Variants in DNAAF4 observed in about 807,000 individuals in gnomAD.
The protein encoded by DNAAF4 is dynein assembly factor 4, axonemal.
Under a neutral mutation model 51.8 loss-of-function variants are expected in DNAAF4, and 43 were observed. The ratio of observed to expected loss-of-function variants is 0.83; its 90% CI spans 0.65 to 1.07. The LOEUF (loss-of-function observed/expected upper bound fraction) is 1.07, where lower values mean the gene tolerates loss of function less well. Ranked by LOEUF, DNAAF4 falls within the 50% of genes least tolerant of loss-of-function variation. The pLI is 0.00. For missense variants in DNAAF4, 581 were observed against 493.0 expected (o/e 1.18, Z -1.69); for synonymous variants, 194 against 165.6 (o/e 1.17, Z -1.32).
At chr15:55,444,753 G>A (rs1241300237) in intron 6 of DNAAF4, among the ~76,000 whole-genome samples, 1 of 152,116 alleles carries the variant, frequency 6.6e-6, no homozygotes, top group African/African-American at 2.4e-5. Flanking sequence ...CCTTGAAGAG[G>A]TCCTTCACAT....
intron 5 of DNAAF4, among the ~76,000 whole-genome samples, chr15:55,455,863 TA>T (rs2058012834): frequency 6.6e-6 from 1 of 152,124 alleles, no homozygotes; most frequent in East Asian, 1.9e-4. Flanking sequence ...TATTCATAGT[TA>T]TTTTTTTTTT....
At chr15:55,443,534 A>G (rs1021852035) in intron 6 of DNAAF4, among the ~76,000 whole-genome samples, 1 of 152,260 alleles carries the variant, frequency 6.6e-6, no homozygotes, top group Non-Finnish European at 1.5e-5. Context: ...TTATAGCAGC[A>G]TGATTGATAA....
chr15:55,430,635 A>G lies in DNAAF4; in HGVS notation c.*35T>C, dbSNP rs1310625054. Reference sequence around the variant, plus strand: ...AAGATGCCTCCAGTTGTTTTTAAAAAACTTATAACAATACTTAGTTACTTC... The same window carrying G: ...AAGATGCCTCCAGTTGTTTTTAAAAGACTTATAACAATACTTAGTTACTTC... On this transcript the variant is annotated 3_prime_UTR_variant, in exon 10 of 10. Transcript: ENST00000321149. 6.3e-7 allele frequency: 1 copy of G among 1,596,730 alleles called. No homozygotes were observed. Among genetic ancestry groups the G allele is most frequent in the Non-Finnish European group, 8.5e-7 (1 of 1,172,732 alleles).
chr15:55,445,856 G>T (rs1334048430), intron 6 of DNAAF4, among the ~76,000 whole-genome samples: 1 of 119,976 alleles, frequency 8.3e-6, no homozygotes, highest in South Asian at 2.9e-4. Context: ...CGGGGCAGCC[G>T]GGCAGAGGCG....
At chr15:55,464,249 A>T (rs1444612288) in intron 5 of DNAAF4, among the ~76,000 whole-genome samples, 1 of 152,214 alleles carries the variant, frequency 6.6e-6, no homozygotes, top group Non-Finnish European at 1.5e-5. Flanking sequence ...TTGGCAAACC[A>T]CATGTAGGGG....
At chr15:55,425,053 T>C (rs2057418583) in intron 7 of DNAAF4, among the ~76,000 whole-genome samples, 1 of 151,776 alleles carries the variant, frequency 6.6e-6, no homozygotes, top group Non-Finnish European at 1.5e-5. Flanking sequence ...TTAGTAGAGA[T>C]GGGGTTTCTC....
chr15:55,441,792 T>G (rs1443425223), intron 6 of DNAAF4, among the ~76,000 whole-genome samples: 2 of 152,170 alleles, frequency 1.3e-5, no homozygotes, highest in African/African-American at 2.4e-5. Context: ...ATGTGCCACA[T>G]TTTCTTTTTT....
intron 5 of DNAAF4, among the ~76,000 whole-genome samples, chr15:55,465,689 C>T (rs2058161361): frequency 6.6e-6 from 1 of 151,638 alleles, no homozygotes; most frequent in Admixed American, 6.6e-5. Context: ...GCCTCGGCCT[C>T]CTGAGTAGCT....
chr15:55,463,439 G>A (rs532788090), intron 5 of DNAAF4, among the ~76,000 whole-genome samples: 6 of 152,168 alleles, frequency 3.9e-5, no homozygotes, highest in East Asian at 3.9e-4. Flanking sequence ...TAGCCAGAGC[G>A]ATCAGACAAG....
chr15:55,432,289 C>G (rs1016577345), intron 9 of DNAAF4, among the ~76,000 whole-genome samples: 8 of 152,112 alleles, frequency 5.3e-5, no homozygotes, highest in Non-Finnish European at 2.9e-5. Flanking sequence ...GTTGTTTACA[C>G]TTATTTTAAT....
intron 7 of DNAAF4, among the ~76,000 whole-genome samples, chr15:55,422,725 G>A (rs2057398553): frequency 1.3e-5 from 2 of 152,092 alleles, no homozygotes; most frequent in East Asian, 1.9e-4. Context: ...GGCCAGGCTC[G>A]AAGGCTCACA....
intron 4 of DNAAF4, among the ~76,000 whole-genome samples, chr15:55,486,293 C>T (rs1436216646): frequency 4.0e-5 from 6 of 151,462 alleles, no homozygotes; most frequent in African/African-American, 1.5e-4. Context: ...TCCTGGGTTC[C>T]AGCCATTCTC....
At chr15:55,440,332 T>G (rs7166763) in intron 6 of DNAAF4, among the ~76,000 whole-genome samples, 80,418 of 151,508 alleles carry the variant, frequency 0.53, 22,495 homozygotes, top group East Asian at 0.9. Context: ...ATTATAGGCG[T>G]GAGCCACCAC....
At chr15:55,455,001 G>T (rs1016872079) in intron 5 of DNAAF4, among the ~76,000 whole-genome samples, 2 of 148,886 alleles carry the variant, frequency 1.3e-5, no homozygotes, top group Non-Finnish European at 3.0e-5. Flanking sequence ...GTACAGATAA[G>T]TAAATAAAAA....
At position 55,456,353 on chromosome 15, in the gene DNAAF4, A is replaced by T. The variant is rs146102315; in HGVS notation, c.638-5986T>A. On this transcript the variant is annotated intron_variant, in intron 5 of 9. Transcript: ENST00000321149. ...CGCCTCAGCCTCTCAAAGTTCTGGG[A>T]TTACAGGCGTGAGCCACTGCATCCG... Among the ~76,000 whole-genome samples the T allele has an allele frequency of 7.9e-3, 1,205 of 152,280 alleles. 13 individuals carry two copies. The highest frequency in any genetic ancestry group is 0.027 in the African/African-American group (1,134 of 41,542).
intron 5 of DNAAF4, among the ~76,000 whole-genome samples, chr15:55,460,232 G>A (rs1222045943): frequency 2.0e-5 from 3 of 148,748 alleles, no homozygotes; most frequent in Non-Finnish European, 4.4e-5. Flanking sequence ...CCAGGCTGGA[G>A]TGCCGTGGTG....
chr15:55,430,501 T>C lies in DNAAF4; in HGVS notation c.*169A>G, dbSNP rs1438405617. On this transcript the variant is annotated 3_prime_UTR_variant, in exon 10 of 10. Transcript: ENST00000321149. The stretch of plus-strand genomic sequence containing the variant: ...TTATTTAGATTTACTTATTCAGAAA[T>C]GATTCAAGTCAAACAGTTTATTTTC... 2.0e-5 allele frequency: 24 copies of C among 1,192,460 alleles called. No homozygotes were observed. The highest frequency in any genetic ancestry group is 2.3e-5 in the Non-Finnish European group (22 of 947,298). 73.9% of individuals were successfully genotyped at this position (1,192,460 alleles called of 1,614,324 possible).
chr15:55,449,518 G>C (rs1890656145), intron 6 of DNAAF4, among the ~76,000 whole-genome samples: 1 of 149,124 alleles, frequency 6.7e-6, no homozygotes, highest in Non-Finnish European at 1.5e-5. Flanking sequence ...TAAAAAATTA[G>C]CCAGACATGC....
chr15:55,427,082 G>A (rs1298648004), downstream of DNAAF4, among the ~76,000 whole-genome samples: 1 of 151,758 alleles, frequency 6.6e-6, no homozygotes, highest in Admixed American at 6.6e-5. Context: ...TTGTTTGTTT[G>A]TTTTGAGACA....
Sources: allele counts gnomAD v4.1 joint callset (sites outside exome capture counted in the v4.1 genomes callset), GRCh38; gene constraint gnomAD v4.1.1; transcripts MANE v1.5; gene names NCBI Gene and HGNC (gene_info 2026-07-23, HGNC 2026-07-21).